Variants in ZCWPW2 observed in about 807,000 individuals in gnomAD.
The protein encoded by ZCWPW2 is zinc finger CW-type PWWP domain protein 2.
A neutral mutation model predicts 46.6 loss-of-function variants in ZCWPW2; 45 were observed. That is an observed-to-expected ratio of 0.96 (90% confidence interval 0.76 to 1.24). ZCWPW2 has a LOEUF of 1.24. ZCWPW2 is among the 50% of genes most tolerant of loss of function. The probability of loss-of-function intolerance (pLI) is 0.00; values close to 1 mark genes in which losing one functional copy is unlikely to be tolerated. For missense variants in ZCWPW2, 429 were observed against 403.9 expected, an observed-to-expected ratio of 1.06 and a Z score of -0.53; for synonymous variants, 152 against 137.1, an observed-to-expected ratio of 1.11 and a Z score of -0.76.
chr3:28,408,992 A>G (rs1258672426), intron 2 of ZCWPW2, among the ~76,000 whole-genome samples: 3 of 152,182 alleles, frequency 2.0e-5, no homozygotes, highest in Non-Finnish European at 1.5e-5. Flanking sequence ...TTACTAAAAG[A>G]TGAAGAATTA....
At chr3:28,454,065 C>T (rs1361201894) in intron 4 of ZCWPW2, among the ~76,000 whole-genome samples, 2 of 151,462 alleles carry the variant, frequency 1.3e-5, no homozygotes, top group Non-Finnish European at 2.9e-5. Flanking sequence ...AGGATGGTCT[C>T]GATCTCCTGA....
At chr3:28,411,474 A>C (rs540334460) in intron 2 of ZCWPW2, among the ~76,000 whole-genome samples, 2 of 152,144 alleles carry the variant, frequency 1.3e-5, no homozygotes, top group African/African-American at 2.4e-5. Flanking sequence ...TTAGAAAAAA[A>C]AAAATCTACT....
intron 2 of ZCWPW2, among the ~76,000 whole-genome samples, chr3:28,409,292 G>A (rs148432602): frequency 6.6e-6 from 1 of 151,640 alleles, no homozygotes; most frequent in Non-Finnish European, 1.5e-5. Flanking sequence ...GCTAATTTTT[G>A]TATTTTCAGT....
At chr3:28,391,613 A>T (rs75194953) in intron 2 of ZCWPW2, among the ~76,000 whole-genome samples, 2 of 152,174 alleles carry the variant, frequency 1.3e-5, no homozygotes. Flanking sequence ...ATGCTACCAC[A>T]TGGCAGCCCC....
At position 28,395,908 on chromosome 3, in the gene ZCWPW2, AATAG is replaced by A. The variant is rs551982478; in HGVS notation, c.-14+5295_-14+5298del. Among the ~76,000 whole-genome samples, 397 of 152,294 alleles carry A rather than the reference AATAG, an allele frequency of 2.6e-3. 1 individual carries two copies. The highest frequency in any genetic ancestry group is 4.1e-3 in the Non-Finnish European group (278 of 67,994). ...CTTAATTTTTCTTTTCAGAAAAAAT[AATAG>A]ATAACTATGAAAGGTGATTGGTTTA... On this transcript the variant is annotated intron_variant, in intron 2 of 9. Coordinates refer to ENST00000383768, the MANE Select transcript of ZCWPW2 (RefSeq NM_001040432.4).
At chr3:28,477,871 A>G (rs892115790) in intron 4 of ZCWPW2, among the ~76,000 whole-genome samples, 6 of 152,164 alleles carry the variant, frequency 3.9e-5, no homozygotes, top group Non-Finnish European at 8.8e-5. Context: ...ATTTAAAAAC[A>G]TTATAAAAAT....
At chr3:28,357,030 C>A (rs1345734015) in intron 1 of ZCWPW2, among the ~76,000 whole-genome samples, 1 of 151,846 alleles carries the variant, frequency 6.6e-6, no homozygotes, top group East Asian at 1.9e-4. Context: ...AATAAATTCC[C>A]TTTCATTTAT....
intron 4 of ZCWPW2, among the ~76,000 whole-genome samples, chr3:28,474,807 G>T (rs1357865059): frequency 2.9e-4 from 2 of 6,852 alleles, no homozygotes; most frequent in Admixed American, 2.5e-3. Flanking sequence ...TGAACTATTT[G>T]TTGTTGTTGT....
intron 1 of ZCWPW2, among the ~76,000 whole-genome samples, chr3:28,377,270 T>G (rs1382955021): frequency 6.6e-6 from 1 of 152,064 alleles, no homozygotes; most frequent in Non-Finnish European, 1.5e-5. Context: ...CATTCTAATT[T>G]TAAAACTTGT....
At chr3:28,358,989 C>T (rs1172487950) in intron 1 of ZCWPW2, among the ~76,000 whole-genome samples, 2 of 152,018 alleles carry the variant, frequency 1.3e-5, no homozygotes, top group African/African-American at 4.8e-5. Context: ...AGAGAAAAGA[C>T]TGAAAACTAT....
rs143011974 is a variant in ZCWPW2, at chr3:28,521,222, G to A, written c.909+106G>A. On this transcript the variant is annotated intron_variant, in intron 9 of 9. Coordinates refer to ENST00000383768, the MANE Select transcript of ZCWPW2 (RefSeq NM_001040432.4). ...TAAATATATAAAAAACTCTTTTCAT[G>A]TCTGAAATTTGAGTCCTTGATTATC... is the stretch of plus-strand genomic sequence containing the variant. The A allele has an allele frequency of 3.9e-4, 500 of 1,283,816 alleles. 3 individuals are homozygous for A. In the African/African-American group the frequency reaches 4.4e-3, roughly 11 times the overall value. The allele number at this position is 1,283,816 out of a possible 1,614,324, so 79.5% of individuals were successfully genotyped here. A position where few individuals can be genotyped will look rare whatever the true frequency, so the allele number is the denominator to read the frequency against.
intron 5 of ZCWPW2, among the ~76,000 whole-genome samples, chr3:28,486,513 T>C (rs1279522204): frequency 6.6e-6 from 1 of 152,138 alleles, no homozygotes; most frequent in Admixed American, 6.5e-5. Context: ...GGTAGTTCTA[T>C]TGGCAACAAA....
chr3:28,397,843 A>C (rs965165427), intron 2 of ZCWPW2, among the ~76,000 whole-genome samples: 1 of 152,200 alleles, frequency 6.6e-6, no homozygotes, highest in Admixed American at 6.5e-5. Context: ...AGAACTATTT[A>C]TTAGGACTCT....
intron 5 of ZCWPW2, 21 bp from the exon 6 acceptor site, chr3:28,492,106 C>A (rs1444140117): frequency 3.1e-6 from 5 of 1,606,502 alleles, no homozygotes; most frequent in Non-Finnish European, 4.2e-6. Flanking sequence ...TTTGAAGCAG[C>A]CATGTTTCAT....
At chr3:28,389,876 A>T (rs770913446) in intron 1 of ZCWPW2, among the ~76,000 whole-genome samples, 90 of 152,176 alleles carry the variant, frequency 5.9e-4, no homozygotes, top group Non-Finnish European at 1.1e-3. Flanking sequence ...AAGGGATGTC[A>T]GTGTTTTTGT....
intron 2 of ZCWPW2, among the ~76,000 whole-genome samples, chr3:28,396,738 T>C (rs1575087232): frequency 6.6e-6 from 1 of 152,228 alleles, no homozygotes; most frequent in South Asian, 2.1e-4. Flanking sequence ...CAATCATTTT[T>C]CTCATTCACA....
chr3:28,371,149 G>A (rs963879090), intron 1 of ZCWPW2, among the ~76,000 whole-genome samples: 2 of 152,084 alleles, frequency 1.3e-5, no homozygotes, highest in African/African-American at 4.8e-5. Context: ...GTATACATTT[G>A]AGAGTAAATC....
intron 4 of ZCWPW2, among the ~76,000 whole-genome samples, chr3:28,451,447 A>G (rs1334955136): frequency 6.6e-6 from 1 of 152,154 alleles, no homozygotes; most frequent in Non-Finnish European, 1.5e-5. Flanking sequence ...CAGTGACCTA[A>G]TTTATTTTTG....
chr3:28,453,831 ATTTTTATTT>A (rs1428480080), intron 4 of ZCWPW2, among the ~76,000 whole-genome samples: 3 of 142,024 alleles, frequency 2.1e-5, no homozygotes, highest in African/African-American at 8.3e-5. Context: ...TTATTTATTT[ATTTTTATTT>A]TTTTTATTAT....
Sources: gnomAD v4.1 joint callset for allele counts (sites outside exome capture counted in the v4.1 genomes callset) on GRCh38, gnomAD v4.1.1 for gene constraint, MANE v1.5 for transcripts, NCBI Gene and HGNC (gene_info 2026-07-23, HGNC 2026-07-21) for gene names.